SAMD5: variants seen among roughly 807,000 people sequenced by gnomAD.
The protein encoded by SAMD5 is sterile alpha motif domain containing 5.
A neutral mutation model predicts 11.3 loss-of-function variants in SAMD5; 13 were observed. That is an observed-to-expected ratio of 1.15 (90% CI 0.75 to 1.83). SAMD5 has a LOEUF of 1.83. Among genes scored for constraint, SAMD5 ranks in the 40% most tolerant of loss-of-function variants. The pLI, the probability that SAMD5 is intolerant of heterozygous loss-of-function variation, is 0.00. For missense variants in SAMD5, 255 were observed against 239.1 expected (o/e 1.07, Z -0.44); for synonymous variants, 129 against 111.3 (o/e 1.16, Z -1.00).
intron 1 of SAMD5, among the ~76,000 whole-genome samples, chr6:147,591,748 CTG>C (rs901859672): frequency 1.3e-5 from 2 of 152,046 alleles, no homozygotes; most frequent in Admixed American, 6.5e-5. Flanking sequence ...ATAAAGATGT[CTG>C]TGGCATTTTT....
At chr6:147,625,074 C>A (rs560243393) in intron 1 of SAMD5, among the ~76,000 whole-genome samples, 3 of 152,172 alleles carry the variant, frequency 2.0e-5, no homozygotes, top group Admixed American at 2.0e-4. Flanking sequence ...GAAACAGGTG[C>A]CTTTTGTTCC....
the SAMD5 span, among the ~76,000 whole-genome samples, chr6:147,928,394 G>A: frequency 6.6e-6 from 1 of 152,176 alleles, no homozygotes; most frequent in South Asian, 2.1e-4. Context: ...TTCAGTCTTG[G>A]CAGGATGAAT....
rs548158306 is a variant in SAMD5 at position 147,688,448 on chromosome 6, G to A, written c.163-48869G>A. ...TATTTCAGGCAGCACTTAGGATAAAGGAGATTGCTTGAATACAAAGAGGGA... is the reference window on the plus strand; with the variant it reads ...TATTTCAGGCAGCACTTAGGATAAAAGAGATTGCTTGAATACAAAGAGGGA... On this transcript the variant is annotated intron_variant, in intron 1 of 1. Coordinates refer to the SAMD5 transcript ENST00000566741. Among the ~76,000 whole-genome samples the A allele has an allele frequency of 8.5e-5, 13 of 152,286 alleles. No individual in the cohort carries two copies. The East Asian group carries it at 2.5e-3, about 29-fold the overall frequency.
chr6:147,768,033 G>C, the SAMD5 span, among the ~76,000 whole-genome samples: 1 of 152,288 alleles, frequency 6.6e-6, no homozygotes, highest in East Asian at 1.9e-4. Context: ...CTTGATTTTA[G>C]CTATGTGCAC....
chr6:147,914,786 A>G, the SAMD5 span, among the ~76,000 whole-genome samples: 2 of 152,188 alleles, frequency 1.3e-5, no homozygotes, highest in Admixed American at 1.3e-4. Context: ...ATTGCCATCA[A>G]TGAGACCTGT....
At chr6:147,752,654 C>G in the SAMD5 span, among the ~76,000 whole-genome samples, 1 of 152,088 alleles carries the variant, frequency 6.6e-6, no homozygotes, top group Non-Finnish European at 1.5e-5. Flanking sequence ...TGCATAATAG[C>G]CTCTAATTAT....
intron 1 of SAMD5, among the ~76,000 whole-genome samples, chr6:147,650,657 A>T (rs1790470594): frequency 6.6e-6 from 1 of 152,214 alleles, no homozygotes; most frequent in Non-Finnish European, 1.5e-5. Flanking sequence ...AGGAGGTTGC[A>T]TCAACGTGCA....
At chr6:147,900,732 T>C in the SAMD5 span, among the ~76,000 whole-genome samples, 1 of 152,192 alleles carries the variant, frequency 6.6e-6, no homozygotes, top group Non-Finnish European at 1.5e-5. Context: ...GGCCATCCTA[T>C]TGCTGGAAGA....
At chr6:147,588,020 C>T (rs547056542) in intron 1 of SAMD5, among the ~76,000 whole-genome samples, 1 of 152,234 alleles carries the variant, frequency 6.6e-6, no homozygotes, top group South Asian at 2.1e-4. Flanking sequence ...GCTCTCTATA[C>T]ATAGATTTCT....
chr6:147,839,520 C>T, the SAMD5 span, among the ~76,000 whole-genome samples: 4 of 152,094 alleles, frequency 2.6e-5, no homozygotes, highest in Non-Finnish European at 5.9e-5. Flanking sequence ...GGGGCTGAGG[C>T]AGGTGGATGA....
chr6:147,737,813 C>G (rs373948588), downstream of SAMD5, among the ~76,000 whole-genome samples: 91 of 148,566 alleles, frequency 6.1e-4, no homozygotes, highest in African/African-American at 2.1e-3. Flanking sequence ...AAATTTCAGT[C>G]TTACAGTGTA....
the SAMD5 span, among the ~76,000 whole-genome samples, chr6:147,871,910 T>G: frequency 6.6e-6 from 1 of 152,320 alleles, no homozygotes; most frequent in Non-Finnish European, 1.5e-5. Context: ...GTAACTCTCT[T>G]TCTTCAAAGT....
chr6:147,741,249 T>C (rs1209630516), downstream of SAMD5, among the ~76,000 whole-genome samples: 1 of 152,122 alleles, frequency 6.6e-6, no homozygotes, highest in Non-Finnish European at 1.5e-5. Context: ...TTTTCTTTGC[T>C]GGGGGTCTCC....
At chr6:147,517,747 T>G (rs1331924178) in intron 1 of SAMD5, among the ~76,000 whole-genome samples, 2 of 152,200 alleles carry the variant, frequency 1.3e-5, no homozygotes, top group Non-Finnish European at 2.9e-5. Context: ...CCTTCATTCT[T>G]ATCAGATAGA....
In SAMD5 at chr6:147,569,989, C is replaced by A; in HGVS notation, c.*5533C>A. ...ACACTGTGATTTGCAAACATATGTCCGCTCTTCAATAAATGTTACGGCTTT... is the reference window on the plus strand; with the variant it reads ...ACACTGTGATTTGCAAACATATGTCAGCTCTTCAATAAATGTTACGGCTTT... On this transcript the variant is annotated 3_prime_UTR_variant, in exon 2 of 2. Transcript: ENST00000367474. 2.0e-6 allele frequency: 2 copies of A among 984,758 alleles called. No individual in the cohort carries two copies. Among genetic ancestry groups the A allele is most frequent in the South Asian group, 4.7e-5 (1 of 21,274 alleles). 61.0% of individuals were successfully genotyped at this position (984,758 alleles called of 1,614,324 possible). A position where few individuals can be genotyped will look rare whatever the true frequency, so the allele number is the denominator to read the frequency against.
chr6:147,530,272 G>T (rs1296773170), intron 1 of SAMD5, among the ~76,000 whole-genome samples: 13 of 152,356 alleles, frequency 8.5e-5, no homozygotes, highest in Admixed American at 8.5e-4. Context: ...TGATACTGGA[G>T]GAGAAATTAT....
At chr6:147,899,193 A>AAAAAAAG in the SAMD5 span, among the ~76,000 whole-genome samples, 1 of 149,254 alleles carries the variant, frequency 6.7e-6, no homozygotes, top group African/African-American at 2.5e-5. Context: ...AAAAAAAAAA[A>AAAAAAAG]GATAACGTGT....
At chr6:147,690,772 A>G (rs1791089463) in intron 1 of SAMD5, among the ~76,000 whole-genome samples, 1 of 152,194 alleles carries the variant, frequency 6.6e-6, no homozygotes, top group Admixed American at 6.5e-5. Context: ...TGAGCAAAGC[A>G]GTTAACTTCT....
chr6:147,867,279 G>GTTTTTTTT, the SAMD5 span, among the ~76,000 whole-genome samples: 2 of 115,396 alleles, frequency 1.7e-5, no homozygotes, highest in Admixed American at 8.9e-5. Context: ...GGTCAAAAAG[G>GTTTTTTTT]TTTTTTTTTT....
Sources: allele counts gnomAD v4.1 joint callset (sites outside exome capture counted in the v4.1 genomes callset), GRCh38; gene constraint gnomAD v4.1.1; transcripts MANE v1.5; gene names NCBI Gene and HGNC (gene_info 2026-07-23, HGNC 2026-07-21).